The following NSUN4 variants were observed in gnomAD, a reference collection of about 807,000 sequenced individuals.
NSUN4 encodes the protein 5-cytosine rRNA methyltransferase NSUN4.
Under a neutral mutation model 43.8 loss-of-function variants are expected in NSUN4, and 31 were observed. The ratio of observed to expected loss-of-function variants is 0.71; its 90% CI spans 0.53 to 0.96. NSUN4 has a LOEUF of 0.96. NSUN4 is among the 40% of genes least tolerant of loss of function. NSUN4 has a pLI of 0.00. For synonymous variants in NSUN4, 167 were observed against 184.1 expected, an observed-to-expected ratio of 0.91 and a Z score of 0.75; for missense variants, 439 against 475.6, an observed-to-expected ratio of 0.92 and a Z score of 0.72.
chr1:46,372,396 G>C, the NSUN4 span, among the ~76,000 whole-genome samples: 1 of 152,036 alleles, frequency 6.6e-6, no homozygotes, highest in Non-Finnish European at 1.5e-5. Flanking sequence ...ACACGTCTTG[G>C]CCTCCCAAAA....
chr1:46,380,148 G>T, the NSUN4 span, among the ~76,000 whole-genome samples: 1 of 152,188 alleles, frequency 6.6e-6, no homozygotes, highest in Non-Finnish European at 1.5e-5. Flanking sequence ...AATCTGAGAA[G>T]CTCCCTTCCC....
chr1:46,354,115 T>C (rs1413224581), intron 4 of NSUN4, among the ~76,000 whole-genome samples: 1 of 152,134 alleles, frequency 6.6e-6, no homozygotes, highest in Non-Finnish European at 1.5e-5. Context: ...TTAAAGTTTT[T>C]TTTTTTTGAG....
At chr1:46,346,551 C>CA (rs10653801) in intron 2 of NSUN4, among the ~76,000 whole-genome samples, 56,306 of 82,388 alleles carry the variant, frequency 0.68, 18,317 homozygotes, top group Middle Eastern at 0.75. Context: ...GACTGTGTCT[C>CA]AAAAAAAAAA....
the NSUN4 span, among the ~76,000 whole-genome samples, chr1:46,382,170 A>G: frequency 2.0e-4 from 30 of 152,248 alleles, no homozygotes; most frequent in African/African-American, 7.2e-5. Flanking sequence ...GTAAAGGCAC[A>G]GATTCAGAGA....
At chr1:46,346,701 G>A (rs770166987) in intron 2 of NSUN4, among the ~76,000 whole-genome samples, 1 of 152,138 alleles carries the variant, frequency 6.6e-6, no homozygotes, top group African/African-American at 2.4e-5. Context: ...TTCAGCCTGG[G>A]TAACAAAAGT....
At position 46,364,332 on chromosome 1, in the gene NSUN4, C is replaced by CA. The variant is rs11460001; in HGVS notation, c.*2507dup. On this transcript the variant is annotated 3_prime_UTR_variant, in exon 6 of 6. Coordinates refer to ENST00000474844, the MANE Select transcript of NSUN4 (RefSeq NM_199044.4). ...AGGGTGACAGAGTGAGACTCTGTCTCAAAAAAAAAAAAAAAAAAAAAGGCA... is the reference window on the plus strand; with the variant it reads ...AGGGTGACAGAGTGAGACTCTGTCTCAAAAAAAAAAAAAAAAAAAAAAGGCA... The CA allele has an allele frequency of 0.45, 32,119 of 71,574 alleles. 7,978 individuals are homozygous for CA. Among genetic ancestry groups the CA allele is most frequent in the East Asian group, 0.76 (1,845 of 2,418 alleles). 4.4% of individuals were successfully genotyped at this position (71,574 alleles called of 1,614,324 possible). A position where few individuals can be genotyped will look rare whatever the true frequency, so the allele number is the denominator to read the frequency against.
At chr1:46,381,701 C>G in the NSUN4 span, among the ~76,000 whole-genome samples, 86 of 152,290 alleles carry the variant, frequency 5.6e-4, 1 homozygote, top group East Asian at 0.014. Flanking sequence ...AAATGCTTCT[C>G]ATTTTGCAAA....
chr1:46,341,780 C>G, intron 1 of NSUN4: 2 of 1,232,348 alleles, frequency 1.6e-6, no homozygotes, highest in Non-Finnish European at 2.0e-6. Flanking sequence ...AGCAGTTCAG[C>G]ATTCCGGGGT....
the NSUN4 span, among the ~76,000 whole-genome samples, chr1:46,376,806 G>A: frequency 6.6e-6 from 1 of 151,734 alleles, no homozygotes; most frequent in Non-Finnish European, 1.5e-5. Flanking sequence ...CACCCAGGCT[G>A]GAGTGCAGTG....
the NSUN4 span, among the ~76,000 whole-genome samples, chr1:46,383,606 C>A: frequency 5.9e-5 from 9 of 152,076 alleles, no homozygotes; most frequent in Middle Eastern, 6.8e-3. Context: ...CAGGCGCCTG[C>A]CACCACGCCT....
At position 46,349,373 on chromosome 1, in the gene NSUN4, C is replaced by T. The variant is rs1367467363; in HGVS notation, c.592+2298C>T. ...GCCAGGATGGTCTTGATCTCCTGAC[C>T]TCGTGATCCGCCCACCTTGGCCTCC... On this transcript the variant is annotated intron_variant, in intron 3 of 5. Transcript: ENST00000474844. Among the ~76,000 whole-genome samples, 2 of 152,058 alleles carry T rather than the reference C, an allele frequency of 1.3e-5. 1 individual carries two copies. The highest frequency in any genetic ancestry group is 4.1e-4 in the South Asian group (2 of 4,824).
intron 4 of NSUN4, among the ~76,000 whole-genome samples, chr1:46,360,098 A>G (rs974549209): frequency 1.1e-4 from 16 of 149,940 alleles, no homozygotes; most frequent in Admixed American, 4.7e-4. Context: ...GCATGGTGGC[A>G]GGCGCCTGTA....
chr1:46,360,837 C>T lies in NSUN4; in HGVS notation c.878+9C>T. 1.2e-6 allele frequency: 2 copies of T among 1,613,320 alleles called. No homozygotes were observed. The highest frequency in any genetic ancestry group is 1.7e-6 in the Non-Finnish European group (2 of 1,179,480). On this transcript the variant is annotated intron_variant, in intron 5 of 5. Coordinates refer to ENST00000474844, the MANE Select transcript of NSUN4 (RefSeq NM_199044.4). ...CAAGTGCAGCTTCTTGCGTGAGTGA[C>T]AGATTTTTAAACTCAGGACTTTGTG...
intron 3 of NSUN4, among the ~76,000 whole-genome samples, chr1:46,351,608 T>C (rs1435039341): frequency 6.6e-6 from 1 of 151,736 alleles, no homozygotes; most frequent in Non-Finnish European, 1.5e-5. Context: ...GGAGAATTGC[T>C]TGAGGCCAGG....
the NSUN4 span, among the ~76,000 whole-genome samples, chr1:46,372,263 C>T: frequency 2.0e-5 from 3 of 151,740 alleles, no homozygotes; most frequent in Admixed American, 1.3e-4. Flanking sequence ...GCCTCAGCCT[C>T]CCAAGTTGCT....
rs555728154 is a variant in NSUN4 at position 46,351,257 on chromosome 1, G to A, written c.593-1611G>A. ...CGCATGCCTGTAATCCCAGCTACTCGGGAGGCTGAGGCAGGAGAATCGCTT... is the reference window on the plus strand; with the variant it reads ...CGCATGCCTGTAATCCCAGCTACTCAGGAGGCTGAGGCAGGAGAATCGCTT... On this transcript the variant is annotated intron_variant, in intron 3 of 5. Coordinates refer to ENST00000474844, the MANE Select transcript of NSUN4 (RefSeq NM_199044.4). Among the ~76,000 whole-genome samples the A allele has an allele frequency of 2.6e-3, 403 of 152,248 alleles. 1 individual carries two copies. Among genetic ancestry groups the A allele is most frequent in the African/African-American group, 9.5e-3 (394 of 41,556 alleles).
At chr1:46,369,072 C>T (rs1179228501), downstream of NSUN4, among the ~76,000 whole-genome samples, 1 of 152,172 alleles carries the variant, frequency 6.6e-6, no homozygotes, top group Non-Finnish European at 1.5e-5. Flanking sequence ...CAAATTGTCT[C>T]CTCTGTCTAA....
chr1:46,346,551 CAAAA>C (rs10653801), intron 2 of NSUN4, among the ~76,000 whole-genome samples: 2 of 82,616 alleles, frequency 2.4e-5, no homozygotes, highest in Non-Finnish European at 4.4e-5. Context: ...GACTGTGTCT[CAAAA>C]AAAAAAAAAA....
In NSUN4 at chr1:46,363,632, A is replaced by G. The variant is rs77541428; in HGVS notation, c.*1786A>G. 6.6e-6 allele frequency: 1 copy of G among 152,598 alleles called. No homozygotes were observed. Among genetic ancestry groups the G allele is most frequent in the Non-Finnish European group, 1.5e-5 (1 of 68,046 alleles). The allele number at this position is 152,598 out of a possible 1,614,324, so 9.5% of individuals were successfully genotyped here. Reference sequence around the variant, plus strand: ...GGATAAATCCTAGAGAAACTCATACATGTACACCAGGAGATGTGTACAAGA... The same window carrying G: ...GGATAAATCCTAGAGAAACTCATACGTGTACACCAGGAGATGTGTACAAGA... On this transcript the variant is annotated 3_prime_UTR_variant, in exon 6 of 6. Coordinates refer to ENST00000474844, the MANE Select transcript of NSUN4 (RefSeq NM_199044.4).
Sources: gnomAD v4.1 joint callset for allele counts (sites outside exome capture counted in the v4.1 genomes callset) on GRCh38, gnomAD v4.1.1 for gene constraint, MANE v1.5 for transcripts, NCBI Gene and HGNC (gene_info 2026-07-23, HGNC 2026-07-21) for gene names.